The following CDH13 variants were observed in gnomAD, a reference collection of about 807,000 sequenced individuals.
CDH13 encodes cadherin 13, also known as cadherin-13.
A neutral mutation model predicts 63.8 loss-of-function variants in CDH13; 24 were observed. That is an observed-to-expected ratio of 0.38 (90% CI 0.27 to 0.53). The LOEUF (loss-of-function observed/expected upper bound fraction) is 0.53. CDH13 is among the 20% of genes least tolerant of loss of function. The pLI is 0.85. For synonymous variants in CDH13, 503 were observed against 355.3 expected (o/e 1.42, Z -4.67); for missense variants, 1,049 against 903.1 (o/e 1.16, Z -2.07).
At chr16:82,929,680 AAAAG>A (rs2042420213) in intron 2 of CDH13, among the ~76,000 whole-genome samples, 4 of 139,644 alleles carry the variant, frequency 2.9e-5, no homozygotes, top group African/African-American at 1.0e-4. Context: ...AAAAAAAAAA[AAAAG>A]AAGACAGCCG....
intron 4 of CDH13, among the ~76,000 whole-genome samples, chr16:83,193,285 A>G (rs2038779457): frequency 6.6e-6 from 1 of 151,772 alleles, no homozygotes; most frequent in Admixed American, 6.6e-5. Flanking sequence ...GGTGGATTTT[A>G]TTCCTATTTT....
At position 82,644,294 on chromosome 16, in the gene CDH13, C is replaced by A. The variant is rs1597203423; in HGVS notation, c.45+17157C>A. Among the ~76,000 whole-genome samples the A allele has an allele frequency of 6.6e-6, 1 of 152,132 alleles. No homozygotes were observed. The highest frequency in any genetic ancestry group is 1.9e-4 in the East Asian group (1 of 5,182). ...CCCACTTCTTACATTCAGTGCTCAT[C>A]ACTCTGCAAATCAAGGCCCCCCGAA... On this transcript the variant is annotated intron_variant, in intron 1 of 13. Coordinates refer to ENST00000567109, the MANE Select transcript of CDH13 (RefSeq NM_001257.5). The surrounding 1 kb of genome is among the most constrained non-coding windows in gnomAD (Gnocchi z 5.7).
At chr16:83,566,517 C>A (rs1444752796) in intron 7 of CDH13, among the ~76,000 whole-genome samples, 2 of 152,000 alleles carry the variant, frequency 1.3e-5, no homozygotes, top group Non-Finnish European at 2.9e-5. Flanking sequence ...CCTCCATTCT[C>A]CATTCTCCCT....
At chr16:83,633,613 C>T (rs76943557) in intron 8 of CDH13, among the ~76,000 whole-genome samples, 14,547 of 152,198 alleles carry the variant, frequency 0.096, 903 homozygotes, top group Non-Finnish European at 0.14. Context: ...TGATCTTACT[C>T]GGAGAGAAAA....
At chr16:83,711,210 T>C (rs1239212863) in intron 10 of CDH13, among the ~76,000 whole-genome samples, 1 of 152,228 alleles carries the variant, frequency 6.6e-6, no homozygotes, top group Non-Finnish European at 1.5e-5. Flanking sequence ...AAGTCAATAG[T>C]CTGCCTACCT....
At chr16:83,293,302 C>T (rs1438618995) in intron 5 of CDH13, among the ~76,000 whole-genome samples, 1 of 152,096 alleles carries the variant, frequency 6.6e-6, no homozygotes, top group Non-Finnish European at 1.5e-5. Context: ...TACGTTAGAA[C>T]CTGAAGAGTC....
intron 11 of CDH13, among the ~76,000 whole-genome samples, chr16:83,773,885 A>G (rs1914928080): frequency 6.6e-6 from 1 of 152,092 alleles, no homozygotes; most frequent in African/African-American, 2.4e-5. Context: ...GCCCATTTCT[A>G]TAATAAGGTC....
intron 2 of CDH13, chr16:82,953,431 C>G (rs766469714): frequency 1.9e-4 from 29 of 152,098 alleles, no homozygotes; most frequent in Non-Finnish European, 3.7e-4. Flanking sequence ...GGTCTGCAAG[C>G]TATTTTAAAT....
chr16:83,341,713 T>C (rs1597790649), intron 5 of CDH13, among the ~76,000 whole-genome samples: 2 of 152,184 alleles, frequency 1.3e-5, no homozygotes, highest in African/African-American at 4.8e-5. Context: ...AACTCTTGTA[T>C]GGACATAAGC....
intron 1 of CDH13, among the ~76,000 whole-genome samples, chr16:82,710,873 C>A (rs1284195305): frequency 6.6e-6 from 1 of 150,646 alleles, no homozygotes; most frequent in Non-Finnish European, 1.5e-5. Flanking sequence ...ATCAAACAGC[C>A]CATTATAAGC....
At chr16:82,721,589 G>A (rs138219371) in intron 1 of CDH13, among the ~76,000 whole-genome samples, 1 of 152,074 alleles carries the variant, frequency 6.6e-6, no homozygotes, top group African/African-American at 2.4e-5. Context: ...GAAAGCAGTC[G>A]GCAAAGAGAT....
chr16:83,501,932 A>G (rs1036611827), intron 7 of CDH13, among the ~76,000 whole-genome samples: 1 of 152,226 alleles, frequency 6.6e-6, no homozygotes, highest in African/African-American at 2.4e-5. Context: ...CCCATGTGGT[A>G]CAGTGGCTCA....
intron 1 of CDH13, among the ~76,000 whole-genome samples, chr16:82,751,842 G>A (rs759028541): frequency 4.6e-5 from 7 of 152,250 alleles, no homozygotes; most frequent in Admixed American, 1.3e-4. Context: ...GTTGGTGAGC[G>A]GATGAGAAAT....
At chr16:83,735,526 A>T (rs1911458575) in intron 10 of CDH13, 1 of 152,146 alleles carries the variant, frequency 6.6e-6, no homozygotes, top group South Asian at 2.1e-4. Context: ...TTTGATCAAC[A>T]TCTCCCCCTT....
intron 1 of CDH13, among the ~76,000 whole-genome samples, chr16:82,632,512 C>G (rs141167416): frequency 2.6e-4 from 39 of 152,200 alleles, no homozygotes; most frequent in African/African-American, 9.4e-4. Flanking sequence ...AGAAGTGACA[C>G]GCTGCAGCTC....
At chr16:82,959,663 T>C (rs1179820758) in intron 2 of CDH13, among the ~76,000 whole-genome samples, 2 of 152,226 alleles carry the variant, frequency 1.3e-5, no homozygotes, top group African/African-American at 4.8e-5. Flanking sequence ...AGAAGACTCT[T>C]TTTAAGGTCA....
At chr16:83,218,858 G>T (rs529221430) in intron 5 of CDH13, among the ~76,000 whole-genome samples, 10 of 152,084 alleles carry the variant, frequency 6.6e-5, no homozygotes, top group Non-Finnish European at 1.2e-4. Flanking sequence ...TGCTGTTCTC[G>T]TGATAGTGAA....
intron 11 of CDH13, among the ~76,000 whole-genome samples, chr16:83,760,491 A>G (rs254340): frequency 0.83 from 127,051 of 152,230 alleles, 53,267 homozygotes; most frequent in African/African-American, 0.92. Context: ...ACAAAATGGC[A>G]TCTGTACAAT....
intron 3 of CDH13, among the ~76,000 whole-genome samples, chr16:83,051,195 A>T (rs1302161340): frequency 6.6e-6 from 1 of 152,194 alleles, no homozygotes; most frequent in Non-Finnish European, 1.5e-5. Context: ...CAACGAAATG[A>T]GTCCCAACCT....
Sources: gnomAD v4.1 joint callset for allele counts (sites outside exome capture counted in the v4.1 genomes callset) on GRCh38, gnomAD v4.1.1 for gene constraint, Gnocchi (gnomAD v3.1) non-coding constraint, MANE v1.5 for transcripts, NCBI Gene and HGNC (gene_info 2026-07-23, HGNC 2026-07-21) for gene names.